The following KHDRBS2 variants were observed in gnomAD, a reference collection of about 807,000 sequenced individuals.
KHDRBS2 encodes KH domain-containing, RNA-binding, signal transduction-associated protein 2.
KHDRBS2 carries 26 observed loss-of-function variants against 44.3 expected under a neutral mutation model. The observed-to-expected ratio is 0.59, with a 90% CI of 0.43 to 0.81. The LOEUF (loss-of-function observed/expected upper bound fraction) is 0.81, where lower values mean the gene tolerates loss of function less well. Among genes scored for constraint, KHDRBS2 ranks in the 40% least tolerant of loss-of-function variants. The pLI, the probability that KHDRBS2 is intolerant of heterozygous loss-of-function variation, is 0.00. For missense variants in KHDRBS2, 476 were observed against 433.1 expected (o/e 1.10, Z -0.88); for synonymous variants, 194 against 151.1 (o/e 1.28, Z -2.08).
chr6:61,778,174 A>C (rs968818702), intron 6 of KHDRBS2, among the ~76,000 whole-genome samples: 2 of 152,188 alleles, frequency 1.3e-5, no homozygotes, highest in African/African-American at 4.8e-5. Flanking sequence ...TTACCTTTGA[A>C]ACAATGAGCA....
chr6:62,214,791 G>A (rs1027536044), intron 1 of KHDRBS2, among the ~76,000 whole-genome samples: 30 of 151,994 alleles, frequency 2.0e-4, no homozygotes, highest in Admixed American at 7.9e-4. Flanking sequence ...TGCTAAGTAC[G>A]TCTCACATAT....
At chr6:62,278,212 GCC>G (rs1249326825) in intron 1 of KHDRBS2, among the ~76,000 whole-genome samples, 1 of 152,048 alleles carries the variant, frequency 6.6e-6, no homozygotes, top group Non-Finnish European at 1.5e-5. Context: ...TCATAATATA[GCC>G]AAACCAAAAA....
chr6:61,720,412 T>G (rs1772253186), intron 7 of KHDRBS2, among the ~76,000 whole-genome samples: 1 of 152,112 alleles, frequency 6.6e-6, no homozygotes, highest in South Asian at 2.1e-4. Context: ...AAAGTGTTCC[T>G]ATTTCTCCAC....
intron 2 of KHDRBS2, among the ~76,000 whole-genome samples, chr6:62,104,922 A>AT (rs1178255993): frequency 1.3e-5 from 2 of 152,282 alleles, no homozygotes; most frequent in Non-Finnish European, 2.9e-5. Flanking sequence ...AAAAGGAAAG[A>AT]TAAAAACTAC....
chr6:61,567,664 A>G, the KHDRBS2 span, among the ~76,000 whole-genome samples: 7 of 151,448 alleles, frequency 4.6e-5, no homozygotes, highest in Non-Finnish European at 7.4e-5. Flanking sequence ...CAAACAAAAA[A>G]AAGGATTTTT....
chr6:62,002,905 T>A (rs1584086336), intron 3 of KHDRBS2, among the ~76,000 whole-genome samples: 1 of 152,190 alleles, frequency 6.6e-6, no homozygotes, highest in Non-Finnish European at 1.5e-5. Flanking sequence ...ACATGCAATT[T>A]AGAAAACTGA....
At chr6:61,974,981 TAAAAG>T in intron 4 of KHDRBS2, among the ~76,000 whole-genome samples, 1 of 131,070 alleles carries the variant, frequency 7.6e-6, no homozygotes, top group African/African-American at 2.7e-5. Context: ...AATAAATAAA[TAAAAG>T]ACTACAGTGT....
intron 6 of KHDRBS2, among the ~76,000 whole-genome samples, chr6:61,766,101 G>A (rs1467375440): frequency 5.2e-5 from 7 of 135,320 alleles, no homozygotes; most frequent in East Asian, 2.4e-4. Context: ...TGAAGCCACC[G>A]TGTTCAGGCT....
intron 4 of KHDRBS2, among the ~76,000 whole-genome samples, chr6:61,921,917 G>A (rs1183366853): frequency 6.6e-6 from 1 of 151,798 alleles, no homozygotes; most frequent in African/African-American, 2.4e-5. Flanking sequence ...CATATTATAC[G>A]ACTATCAACA....
rs544487679 is a variant in KHDRBS2 at position 62,132,705 on chromosome 6, A to G, written c.219+44480T>C. On this transcript the variant is annotated intron_variant, in intron 2 of 8. Coordinates refer to ENST00000281156, the MANE Select transcript of KHDRBS2 (RefSeq NM_152688.4). ...TGCTGTTTCCTGAAAGATGCTTAGTAGAAACATAAAACATGGCATTATTAT... is the reference window on the plus strand; with the variant it reads ...TGCTGTTTCCTGAAAGATGCTTAGTGGAAACATAAAACATGGCATTATTAT... Among the ~76,000 whole-genome samples, 96 of 152,342 alleles carry G rather than the reference A, an allele frequency of 6.3e-4. 1 individual carries two copies. In the South Asian group the frequency reaches 0.019, roughly 31 times the overall value.
At chr6:61,747,072 G>A (rs1776976960) in intron 6 of KHDRBS2, among the ~76,000 whole-genome samples, 1 of 151,102 alleles carries the variant, frequency 6.6e-6, no homozygotes. Context: ...AGTGGACGAA[G>A]GATAAGAACA....
At chr6:61,716,537 C>T (rs1436664429) in intron 7 of KHDRBS2, among the ~76,000 whole-genome samples, 1 of 151,958 alleles carries the variant, frequency 6.6e-6, no homozygotes, top group Non-Finnish European at 1.5e-5. Context: ...GAAAAGATAA[C>T]AAGCATTACT....
intron 6 of KHDRBS2, among the ~76,000 whole-genome samples, chr6:61,769,707 C>T (rs1056112388): frequency 6.6e-6 from 1 of 152,210 alleles, no homozygotes; most frequent in African/African-American, 2.4e-5. Context: ...CTGGGTGGAG[C>T]CCACCACAGT....
intron 2 of KHDRBS2, among the ~76,000 whole-genome samples, chr6:62,141,140 T>G (rs143453174): frequency 6.2e-4 from 95 of 152,310 alleles, no homozygotes; most frequent in African/African-American, 2.2e-3. Context: ...GACATAAGCA[T>G]GAACGTCAGA....
the KHDRBS2 span, among the ~76,000 whole-genome samples, chr6:61,584,638 G>T: frequency 6.6e-6 from 1 of 151,730 alleles, no homozygotes; most frequent in Non-Finnish European, 1.5e-5. Context: ...TTAAAAGGAT[G>T]ACTTAACAAA....
At chr6:62,043,863 GA>G in intron 3 of KHDRBS2, among the ~76,000 whole-genome samples, 1 of 151,878 alleles carries the variant, frequency 6.6e-6, no homozygotes, top group African/African-American at 2.4e-5. Flanking sequence ...AGTATTATTA[GA>G]TCCACAAAAA....
At chr6:61,545,080 TA>T in the KHDRBS2 span, among the ~76,000 whole-genome samples, 12 of 151,962 alleles carry the variant, frequency 7.9e-5, no homozygotes, top group East Asian at 5.8e-4. Flanking sequence ...TCAAGTATAA[TA>T]AAAAAAATTT....
chr6:61,677,036 T>C (rs1200750294), downstream of KHDRBS2, among the ~76,000 whole-genome samples: 11 of 151,934 alleles, frequency 7.2e-5, no homozygotes, highest in Non-Finnish European at 4.4e-5. Flanking sequence ...ATCATTGTTT[T>C]TGTACTTAAA....
the KHDRBS2 span, among the ~76,000 whole-genome samples, chr6:61,573,792 G>GAAAAAA: frequency 6.8e-6 from 1 of 146,014 alleles, no homozygotes. Flanking sequence ...TCTGTCTCAG[G>GAAAAAA]AAAAAAAAAA....
Sources: allele counts gnomAD v4.1 joint callset (sites outside exome capture counted in the v4.1 genomes callset), GRCh38; gene constraint gnomAD v4.1.1; transcripts MANE v1.5; gene names NCBI Gene and HGNC (gene_info 2026-07-23, HGNC 2026-07-21).